ATXN7L2: variants seen among roughly 807,000 people sequenced by gnomAD.
ATXN7L2 encodes the protein ataxin-7-like protein 2.
In ATXN7L2, 17 loss-of-function variants were observed where a neutral mutation model predicts 59.6. The observed-to-expected ratio is 0.29, with a 90% confidence interval of 0.20 to 0.43. ATXN7L2 has a LOEUF of 0.43. Ranked by LOEUF, ATXN7L2 falls within the 20% of genes least tolerant of loss-of-function variation. The pLI, the probability that ATXN7L2 is intolerant of heterozygous loss-of-function variation, is 1.00. For synonymous variants in ATXN7L2, 378 were observed against 392.5 expected (o/e 0.96, Z 0.44); for missense variants, 858 against 1,008.9 (o/e 0.85, Z 2.03).
chr1:109,484,059 G>A lies in ATXN7L2; in HGVS notation c.106G>A (p.Ala36Thr), dbSNP rs1390972566. 6.6e-7 allele frequency: 1 copy of A among 1,519,432 alleles called. No individual in the cohort carries two copies. Among genetic ancestry groups the A allele is most frequent in the South Asian group, 1.2e-5 (1 of 82,212 alleles). The allele number at this position is 1,519,432 out of a possible 1,614,324, so 94.1% of individuals were successfully genotyped here. Residue 36 changes from alanine to threonine, a missense_variant, in exon 1 of 11, where the codon GCC (alanine) becomes ACC (threonine). Physicochemically the swap from Ala to Thr is moderately conservative, Grantham distance 58 (BLOSUM62 0). Transcript: ENST00000683729. ...GQSWSSWVER[A>T]DLPAADGAEL... ...GAGCTGGAGCTCGTGGGTGGAGCGGGCCGACCTGCCCGCGGCTGACGGTGA... is the reference window on the plus strand; with the variant it reads ...GAGCTGGAGCTCGTGGGTGGAGCGGACCGACCTGCCCGCGGCTGACGGTGA...
Position 109,491,910 on chromosome 1 carries a change from C to T in ATXN7L2, c.2250+193C>T. 1 of 1,209,008 alleles carries T rather than the reference C, an allele frequency of 8.3e-7. No homozygotes were observed. The highest frequency in any genetic ancestry group is 1.8e-5 in the South Asian group (1 of 55,632). 74.9% of individuals were successfully genotyped at this position (1,209,008 alleles called of 1,614,324 possible). A position where few individuals can be genotyped will look rare whatever the true frequency, so the allele number is the denominator to read the frequency against. On this transcript the variant is annotated intron_variant, in intron 10 of 10. Coordinates refer to ENST00000683729, the MANE Select transcript of ATXN7L2 (RefSeq NM_001350175.2). This position sits in a 1 kb window ranked among gnomAD's most constrained non-coding sequence, Gnocchi z 4.1. ...GACTCCAGCTTTTTGCCTGGTGAAC[C>T]TTCCCCTATCCCTAACCCTTTCCCT...
Position 109,488,734 on chromosome 1 carries a change from T to A in ATXN7L2, c.880-113T>A. The A allele has an allele frequency of 7.5e-7, 1 of 1,336,892 alleles. No homozygotes were observed. The highest frequency in any genetic ancestry group is 1.0e-6 in the Non-Finnish European group (1 of 967,684). 82.8% of individuals were successfully genotyped at this position (1,336,892 alleles called of 1,614,324 possible). ...AAAGACACATGAACACAGCTGCAAA[T>A]ATGCCCACCTCTCTCCCTGCCCCCC... On this transcript the variant is annotated intron_variant, in intron 6 of 10. Coordinates refer to ENST00000683729, the MANE Select transcript of ATXN7L2 (RefSeq NM_001350175.2). The surrounding 1 kb of genome is among the most constrained non-coding windows in gnomAD (Gnocchi z 5.0).
At chr1:109,485,169 T>TG in intron 1 of ATXN7L2, 2 of 730,278 alleles carry the variant, frequency 2.7e-6, no homozygotes, top group Non-Finnish European at 3.3e-6. Flanking sequence ...CTGGGTGCAT[T>TG]GAGAACCGGA....
intron 1 of ATXN7L2, among the ~76,000 whole-genome samples, chr1:109,484,811 C>T (rs1361282493): frequency 6.6e-6 from 1 of 152,194 alleles, no homozygotes; most frequent in Non-Finnish European, 1.5e-5. Flanking sequence ...GCAGGCATCA[C>T]GCCCCTGAAG....
chr1:109,484,142 C>A, intron 1 of ATXN7L2, 62 bp downstream of exon 1: 4 of 1,293,536 alleles, frequency 3.1e-6, no homozygotes, highest in Middle Eastern at 2.4e-4. Context: ...CCCTTCCGGG[C>A]CCCCGCCAGC....
In ATXN7L2 at chr1:109,487,597, C is replaced by A; in HGVS notation, c.589C>A (p.Pro197Thr). The A allele has an allele frequency of 6.3e-7, 1 of 1,576,390 alleles. No homozygotes were observed. Among genetic ancestry groups the A allele is most frequent in the Non-Finnish European group, 8.6e-7 (1 of 1,162,096 alleles). The change falls in exon 5 of 11, where the codon CCC becomes ACC. Residue 197 changes from proline to threonine, a missense_variant. Physicochemically the swap from Pro to Thr is conservative, Grantham distance 38. This residue lies in a region of ATXN7L2 where 734 missense variants were observed against 862.3 expected (regional missense o/e 0.85). Coordinates refer to ENST00000683729, the MANE Select transcript of ATXN7L2 (RefSeq NM_001350175.2). ...PDGHGIRVAP[P>T]SAFLSQPGGL... The stretch of plus-strand genomic sequence containing the variant: ...TGGACATGGAATCAGGGTGGCCCCA[C>A]CCTCTGCTTTTCTCAGCCAGCCAGG...
chr1:109,490,403 C>G lies in ATXN7L2; in HGVS notation c.1454+11C>G, dbSNP rs774537914. On this transcript the variant is annotated intron_variant, in intron 9 of 10. Coordinates refer to ENST00000683729, the MANE Select transcript of ATXN7L2 (RefSeq NM_001350175.2). ...CACACACATGTGGAAGTAAGTCTCT[C>G]GGACCCAGAATGGAAGTTCTAGAAT... 3 of 1,610,758 alleles carry G rather than the reference C, an allele frequency of 1.9e-6. No individual in the cohort carries two copies. In the East Asian group the frequency reaches 6.7e-5, roughly 36 times the overall value.
At position 109,491,589 on chromosome 1, in the gene ATXN7L2, G is replaced by A. The variant is rs761897129; in HGVS notation, c.2122G>A (p.Ala708Thr). The A allele has an allele frequency of 3.1e-6, 5 of 1,613,846 alleles. No individual in the cohort carries two copies. The highest frequency in any genetic ancestry group is 2.2e-5 in the East Asian group (1 of 44,886). Residue 708 changes from alanine to threonine, a missense_variant, in exon 10 of 11, where the codon GCC becomes ACC. By Grantham distance (58) the Ala-to-Thr change is moderately conservative. Around this residue, in one of 3 missense-constraint regions of ATXN7L2, gnomAD observed 734 missense variants for 862.3 expected, o/e 0.85. Coordinates refer to ENST00000683729, the MANE Select transcript of ATXN7L2 (RefSeq NM_001350175.2). The surrounding 1 kb of genome is among the most constrained non-coding windows in gnomAD (Gnocchi z 4.1). ...EEVAKKRKNL[A>T]TYCRPVKAKH... ...GGTGGCCAAGAAGCGGAAAAACCTG[G>A]CCACTTATTGCCGGCCAGTGAAGGC...
At position 109,487,734 on chromosome 1, in the gene ATXN7L2, T is replaced by G. The variant is rs746919882; in HGVS notation, c.726T>G (p.Ala242=). ...CCAGTGAGGGGTCCAGTCACTGGGCTGAAGGCAGCCCTCCTGAAAAGGAGC... is the reference window on the plus strand; with the variant it reads ...CCAGTGAGGGGTCCAGTCACTGGGCGGAAGGCAGCCCTCCTGAAAAGGAGC... ...IIPSEGSSHW[A]EGSPPEKEPS... Residue 242 remains alanine (A), a synonymous_variant, in exon 5 of 11, where the codon GCT becomes GCG. Transcript: ENST00000683729. The G allele has an allele frequency of 4.0e-5, 65 of 1,612,784 alleles. No homozygotes were observed. Among genetic ancestry groups the G allele is most frequent in the Non-Finnish European group, 5.4e-5 (64 of 1,179,506 alleles).
rs1656814733 is a variant in ATXN7L2 at position 109,489,047 on chromosome 1, C to A, written c.1080C>A (p.Ser360Arg). The change falls in exon 7 of 11, where the codon AGC (serine) becomes AGA (arginine). Residue 360 changes from serine (S) to arginine (R), a missense_variant. Transcript: ENST00000683729. ...TTGTAGCAGCGGTGGCTGCTCCCAG[C>A]AGCACCTTCTCTGTTCGTGCCAAGC... The part of the protein sequence containing the change: ...VQVVAAVAAP[S>R]STFSVRAKQT... The A allele has an allele frequency of 1.2e-6, 2 of 1,614,058 alleles. No individual in the cohort carries two copies. The highest frequency in any genetic ancestry group is 2.2e-5 in the South Asian group (2 of 91,094).
chr1:109,485,281 A>C, intron 1 of ATXN7L2: 1 of 919,272 alleles, frequency 1.1e-6, no homozygotes, highest in South Asian at 5.2e-5. Flanking sequence ...AGGTAGGGGG[A>C]TGGGGAAAAA....
At chr1:109,490,246 C>G in intron 8 of ATXN7L2, 25 bp from the exon 9 acceptor site, 1 of 1,612,370 alleles carries the variant, frequency 6.2e-7, no homozygotes. Context: ...ACCCTGCCAA[C>G]CATGCACCTT....
rs1200806811 is a variant in ATXN7L2 at position 109,491,518 on chromosome 1, G to T, written c.2051G>T (p.Gly684Val). The T allele has an allele frequency of 6.2e-7, 1 of 1,613,980 alleles. No homozygotes were observed. The highest frequency in any genetic ancestry group is 1.7e-5 in the Admixed American group (1 of 60,038). Residue 684 changes from glycine (G) to valine (V), a missense_variant, in exon 10 of 11, where the codon GGA becomes GTA. This residue lies in a region of ATXN7L2 where 734 missense variants were observed against 862.3 expected (regional missense o/e 0.85). Transcript: ENST00000683729. This position sits in a 1 kb window ranked among gnomAD's most constrained non-coding sequence, Gnocchi z 4.1. Reference sequence around the variant, plus strand: ...CAGCTGGAGAACCGGGGAGCAGCTGGACACCCAGCCAAGGCCCTGCCAACC... The same window carrying T: ...CAGCTGGAGAACCGGGGAGCAGCTGTACACCCAGCCAAGGCCCTGCCAACC... The part of the protein sequence containing the change: ...ASQLENRGAA[G>V]HPAKALPTNC...
chr1:109,490,507 AT>A, intron 9 of ATXN7L2, 115 bp downstream of exon 9: 1 of 1,418,782 alleles, frequency 7.0e-7, no homozygotes, highest in Non-Finnish European at 9.4e-7. Context: ...TGCCTTGGCT[AT>A]TTGCCAGCAG....
In ATXN7L2 at chr1:109,489,022, T is replaced by C. The variant is rs1656809823; in HGVS notation, c.1055T>C (p.Val352Ala). The C allele has an allele frequency of 1.2e-6, 2 of 1,614,178 alleles. No homozygotes were observed. The highest frequency in any genetic ancestry group is 1.7e-6 in the Non-Finnish European group (2 of 1,180,008). ...CAGGAGCTCCCCTCCTCAGTCCAGG[T>C]TGTAGCAGCGGTGGCTGCTCCCAGC... is the stretch of plus-strand genomic sequence containing the variant. ...PSQELPSSVQ[V>A]VAAVAAPSST... The change falls in exon 7 of 11, where the codon GTT becomes GCT. Residue 352 changes from valine (V) to alanine (A), a missense_variant. Physicochemically the swap from Val to Ala is moderately conservative, Grantham distance 64 (BLOSUM62 0). Transcript: ENST00000683729.
rs201786463 is a variant in ATXN7L2, at chr1:109,490,339, C to G, written c.1401C>G (p.Phe467Leu). 6.2e-7 allele frequency: 1 copy of G among 1,613,918 alleles called. No individual in the cohort carries two copies. Among genetic ancestry groups the G allele is most frequent in the Non-Finnish European group, 8.5e-7 (1 of 1,180,018 alleles). The change falls in exon 9 of 11, where the codon TTC (phenylalanine) becomes TTG (leucine). Residue 467 changes from phenylalanine to leucine, a missense_variant. Phe to Leu is a conservative substitution (Grantham distance 22). Around this residue, in one of 3 missense-constraint regions of ATXN7L2, gnomAD observed 734 missense variants for 862.3 expected, o/e 0.85. Transcript: ENST00000683729. Reference sequence around the variant, plus strand: ...TGTTTAGCCGCCGGCTGGACCGGTTCTGCTCAGCACTCAGCTCCATGCTGG... The same window carrying G: ...TGTTTAGCCGCCGGCTGGACCGGTTGTGCTCAGCACTCAGCTCCATGCTGG... ...CYVFSRRLDR[F>L]CSALSSMLER...
chr1:109,484,129 C>T (rs1656388380), intron 1 of ATXN7L2, 49 bp downstream of exon 1: 2 of 1,380,838 alleles, frequency 1.4e-6, no homozygotes, highest in Non-Finnish European at 9.5e-7. Context: ...TATCTCCCCT[C>T]CCCCCTTCCG....
At position 109,483,929 on chromosome 1, in the gene ATXN7L2, G is replaced by A. The variant is rs1656367075; in HGVS notation, c.-25G>A. 2.5e-6 allele frequency: 3 copies of A among 1,191,694 alleles called. No homozygotes were observed. Among genetic ancestry groups the A allele is most frequent in the East Asian group, 3.7e-5 (1 of 27,264 alleles). The allele number at this position is 1,191,694 out of a possible 1,614,324, so 73.8% of individuals were successfully genotyped here. ...AGGGGGCCGCGCGGCGGCGGCGCCA[G>A]GGCGGGCGCGCGTCCGCGGCGGTGA... On this transcript the variant is annotated 5_prime_UTR_variant, in exon 1 of 11. Coordinates refer to ENST00000683729, the MANE Select transcript of ATXN7L2 (RefSeq NM_001350175.2).
In ATXN7L2 at chr1:109,486,986, C is replaced by A. The variant is rs771115277; in HGVS notation, c.299-21C>A. The A allele has an allele frequency of 9.6e-6, 15 of 1,556,014 alleles. No homozygotes were observed. The highest frequency in any genetic ancestry group is 3.9e-5 in the Admixed American group (2 of 50,752). On this transcript the variant is annotated intron_variant, in intron 3 of 10. Transcript: ENST00000683729. This position sits in a 1 kb window ranked among gnomAD's most constrained non-coding sequence, Gnocchi z 4.3. ...GGTGATACCACTCACCTTGATTATT[C>A]TTTCCACCTCCTGGTGACAGAAAGA...
Sources: allele counts gnomAD v4.1 joint callset (sites outside exome capture counted in the v4.1 genomes callset), GRCh38; gene constraint gnomAD v4.1.1; regional missense constraint gnomAD v4.1.1; non-coding constraint Gnocchi (gnomAD v3.1); transcripts MANE v1.5; gene names NCBI Gene and HGNC (gene_info 2026-07-23, HGNC 2026-07-21).